The following SCMH1 variants were observed in gnomAD, a reference collection of about 807,000 sequenced individuals.
SCMH1 encodes the protein Scm polycomb group protein homolog 1, also known as polycomb protein SCMH1.
SCMH1 carries 37 observed loss-of-function variants against 70.8 expected under a neutral mutation model. The observed-to-expected ratio is 0.52, with a 90% confidence interval of 0.40 to 0.69. SCMH1 has a LOEUF of 0.69. SCMH1 is among the 30% of genes least tolerant of loss of function. The pLI, the probability that SCMH1 is intolerant of heterozygous loss-of-function variation, is 0.00. For synonymous variants in SCMH1, 292 were observed against 307.4 expected, an observed-to-expected ratio of 0.95 and a Z score of 0.52; for missense variants, 607 against 827.3, an observed-to-expected ratio of 0.73 and a Z score of 3.27.
At chr1:41,206,188 ATGACTT>A (rs1283563141) in intron 1 of SCMH1, among the ~76,000 whole-genome samples, 1 of 152,234 alleles carries the variant, frequency 6.6e-6, no homozygotes, top group Admixed American at 6.5e-5. Context: ...TGGATGGAGA[ATGACTT>A]TGACAAGTTG....
chr1:41,060,665 G>C (rs1363398753), intron 10 of SCMH1, among the ~76,000 whole-genome samples: 1 of 151,748 alleles, frequency 6.6e-6, no homozygotes, highest in Non-Finnish European at 1.5e-5. Flanking sequence ...CTTTTTTTGA[G>C]ACAGGGTCTC....
At chr1:41,215,431 TTA>T (rs1187001685) in intron 1 of SCMH1, among the ~76,000 whole-genome samples, 2 of 152,186 alleles carry the variant, frequency 1.3e-5, no homozygotes, top group Non-Finnish European at 2.9e-5. Flanking sequence ...TGGCCCCTTA[TTA>T]TGTCTCCATC....
At chr1:41,075,496 T>C (rs755126131) in intron 8 of SCMH1, 45 bp from the exon 9 acceptor site, 4 of 1,514,354 alleles carry the variant, frequency 2.6e-6, no homozygotes, top group South Asian at 2.3e-5. Context: ...CCCCCCTGCA[T>C]TCTCATCCCA....
intron 7 of SCMH1, among the ~76,000 whole-genome samples, chr1:41,115,914 A>T (rs921053219): frequency 2.0e-5 from 3 of 152,206 alleles, no homozygotes; most frequent in African/African-American, 7.2e-5. Flanking sequence ...CTAGATTTTT[A>T]AAAATCTGAT....
In SCMH1 at chr1:41,113,608, T is replaced by A; in HGVS notation, c.502-82A>T. ...TAGACTACTATCTAATTTGGATGAT[T>A]AAAAAGTGACTGCTACATGAGACTT... On this transcript the variant is annotated intron_variant, in intron 7 of 14. Transcript: ENST00000337495. The surrounding 1 kb of genome is among the most constrained non-coding windows in gnomAD (Gnocchi z 4.3). 2 of 1,474,394 alleles carry A rather than the reference T, an allele frequency of 1.4e-6. No individual in the cohort carries two copies. Among genetic ancestry groups the A allele is most frequent in the Non-Finnish European group, 1.8e-6 (2 of 1,101,028 alleles). The allele number at this position is 1,474,394 out of a possible 1,614,324, so 91.3% of individuals were successfully genotyped here. A position where few individuals can be genotyped will look rare whatever the true frequency, so the allele number is the denominator to read the frequency against.
chr1:41,036,045 T>G (rs1645251830), intron 13 of SCMH1, among the ~76,000 whole-genome samples: 1 of 152,218 alleles, frequency 6.6e-6, no homozygotes, highest in Non-Finnish European at 1.5e-5. Context: ...TGAATATTCC[T>G]TTTTCTCCTT....
chr1:41,104,265 A>T (rs1393136948), intron 8 of SCMH1, among the ~76,000 whole-genome samples: 1 of 152,236 alleles, frequency 6.6e-6, no homozygotes, highest in East Asian at 1.9e-4. Context: ...GTGGATAGAT[A>T]GGTGAATAAA....
intron 2 of SCMH1, among the ~76,000 whole-genome samples, chr1:41,176,562 CTTT>C (rs962005201): frequency 1.1e-4 from 16 of 152,338 alleles, no homozygotes; most frequent in African/African-American, 3.8e-4. Flanking sequence ...TAATACTGCG[CTTT>C]TCCAATGGTC....
At chr1:41,087,582 A>G (rs1056647579) in intron 8 of SCMH1, among the ~76,000 whole-genome samples, 1 of 152,138 alleles carries the variant, frequency 6.6e-6, no homozygotes, top group Admixed American at 6.5e-5. Flanking sequence ...ACTCATAAAA[A>G]GAGAAATGCA....
At chr1:41,081,564 C>A (rs1473401014) in intron 8 of SCMH1, among the ~76,000 whole-genome samples, 1 of 152,104 alleles carries the variant, frequency 6.6e-6, no homozygotes, top group South Asian at 2.1e-4. Context: ...ATGCCTGTAA[C>A]CCCAGCACTC....
intron 4 of SCMH1, among the ~76,000 whole-genome samples, chr1:41,155,984 C>CAAAAAAAAAAAAAAAAAAAAAAAAAAAAA (rs386366781): frequency 1.3e-5 from 1 of 74,652 alleles, no homozygotes; most frequent in African/African-American, 6.1e-5. Flanking sequence ...GACTCCGTCT[C>CAAAAAAAAAAAAAAAAAAAAAAAAAAAAA]AAAAAAAAAA....
At chr1:41,110,654 C>A (rs1220353928) in intron 8 of SCMH1, among the ~76,000 whole-genome samples, 1 of 152,120 alleles carries the variant, frequency 6.6e-6, no homozygotes, top group Admixed American at 6.6e-5. Flanking sequence ...AGTATTTTGT[C>A]CTCTAGCTAT....
chr1:41,221,922 A>G (rs1162939886), intron 1 of SCMH1, among the ~76,000 whole-genome samples: 1 of 130,536 alleles, frequency 7.7e-6, no homozygotes, highest in Non-Finnish European at 1.6e-5. Context: ...AAAAAAAAAA[A>G]GCTAGGAAAC....
At chr1:41,046,189 A>G (rs1264129373) in intron 12 of SCMH1, among the ~76,000 whole-genome samples, 1 of 152,236 alleles carries the variant, frequency 6.6e-6, no homozygotes, top group Non-Finnish European at 1.5e-5. Context: ...TAGAAGAAAT[A>G]GGGGTGATCC....
At chr1:41,106,983 C>T (rs963936176) in intron 8 of SCMH1, among the ~76,000 whole-genome samples, 2 of 151,688 alleles carry the variant, frequency 1.3e-5, no homozygotes, top group Non-Finnish European at 2.9e-5. Flanking sequence ...CCACCACGCC[C>T]GGCCTTAACT....
chr1:41,112,517 C>G (rs1266353771), intron 8 of SCMH1, among the ~76,000 whole-genome samples: 3 of 151,904 alleles, frequency 2.0e-5, no homozygotes, highest in Non-Finnish European at 2.9e-5. Flanking sequence ...TTTATATATA[C>G]TCTCTCATAG....
At chr1:41,195,299 C>A (rs895471482) in intron 1 of SCMH1, among the ~76,000 whole-genome samples, 20 of 151,838 alleles carry the variant, frequency 1.3e-4, no homozygotes, top group Admixed American at 9.8e-4. Context: ...AAAAACAGCC[C>A]TTAAGAATGC....
chr1:41,035,598 T>G, intron 13 of SCMH1, among the ~76,000 whole-genome samples: 1 of 152,184 alleles, frequency 6.6e-6, no homozygotes, highest in East Asian at 1.9e-4. Context: ...TCAGAGAAAG[T>G]GTGCCTCCTT....
chr1:41,205,271 G>A (rs1248606927), intron 1 of SCMH1, among the ~76,000 whole-genome samples: 1 of 152,188 alleles, frequency 6.6e-6, no homozygotes, highest in Non-Finnish European at 1.5e-5. Flanking sequence ...AAGGGTTGGG[G>A]GATTTCCCTT....
Sources: allele counts gnomAD v4.1 joint callset (sites outside exome capture counted in the v4.1 genomes callset), GRCh38; gene constraint gnomAD v4.1.1; non-coding constraint Gnocchi (gnomAD v3.1); transcripts MANE v1.5; gene names NCBI Gene and HGNC (gene_info 2026-07-23, HGNC 2026-07-21).